The following RCBTB1 variants were observed in gnomAD, a reference collection of about 807,000 sequenced individuals.
RCBTB1 encodes the protein RCC1 and BTB domain containing protein 1.
A neutral mutation model predicts 62.4 loss-of-function variants in RCBTB1; 46 were observed. The observed-to-expected ratio is 0.74, with a 90% CI of 0.58 to 0.94. The LOEUF (loss-of-function observed/expected upper bound fraction) is 0.94. Among genes scored for constraint, RCBTB1 ranks in the 40% least tolerant of loss-of-function variants. The probability of loss-of-function intolerance (pLI) is 0.00; values close to 1 mark genes in which losing one functional copy is unlikely to be tolerated. For missense variants in RCBTB1, 565 were observed against 654.9 expected (o/e 0.86, Z 1.50); for synonymous variants, 222 against 245.8 (o/e 0.90, Z 0.91).
At chr13:49,538,887 A>ACT (rs199724988) in intron 12 of RCBTB1, among the ~76,000 whole-genome samples, 9,285 of 93,912 alleles carry the variant, frequency 0.099, 448 homozygotes, top group Non-Finnish European at 0.16. Flanking sequence ...GTTTTTTTTA[A>ACT]CTTTTTTTTT....
intron 2 of RCBTB1, among the ~76,000 whole-genome samples, chr13:49,571,608 G>C (rs1220484205): frequency 2.0e-5 from 3 of 152,170 alleles, no homozygotes; most frequent in Admixed American, 1.3e-4. Context: ...CTGAGAACAT[G>C]AACTGGCATC....
chr13:49,570,477 G>A (rs11148151), intron 2 of RCBTB1, among the ~76,000 whole-genome samples: 34,076 of 152,138 alleles, frequency 0.22, 4,710 homozygotes, highest in East Asian at 0.55. Context: ...GGCTTGGTAG[G>A]GTGGTAACAA....
chr13:49,544,213 T>C (rs550348095), intron 10 of RCBTB1, among the ~76,000 whole-genome samples: 111 of 152,342 alleles, frequency 7.3e-4, no homozygotes, highest in African/African-American at 2.6e-3. Context: ...CTCACATCTG[T>C]AATGCCAGCA....
At chr13:49,560,756 T>A (rs1962371178) in intron 4 of RCBTB1, among the ~76,000 whole-genome samples, 1 of 152,194 alleles carries the variant, frequency 6.6e-6, no homozygotes. Context: ...TGGAGATGAC[T>A]TGAGAGTTGA....
Position 49,564,618 on chromosome 13 carries a change from G to A in RCBTB1, c.277+2000C>T, listed in dbSNP as rs555114210. On this transcript the variant is annotated intron_variant, in intron 4 of 12. Transcript: ENST00000378302. ...AAAAAAAAAAAAAAAAATGCCGGGC[G>A]CGGTGGCTCACGCCTGTAATCCCAG... Among the ~76,000 whole-genome samples, 684 of 123,680 alleles carry A rather than the reference G, an allele frequency of 5.5e-3. 3 individuals carry two copies. The highest frequency in any genetic ancestry group is 8.2e-3 in the Non-Finnish European group (514 of 62,776). 81.1% of individuals were successfully genotyped at this position (123,680 alleles called of 152,430 possible). A position where few individuals can be genotyped will look rare whatever the true frequency, so the allele number is the denominator to read the frequency against.
At chr13:49,544,948 G>GGTCA in intron 9 of RCBTB1, 85 bp from the exon 10 acceptor site, 1 of 995,072 alleles carries the variant, frequency 1.0e-6, no homozygotes, top group Non-Finnish European at 1.4e-6. Flanking sequence ...CATCATGACC[G>GGTCA]TGATGGATAA....
At chr13:49,576,700 A>C (rs563011506) in intron 2 of RCBTB1, among the ~76,000 whole-genome samples, 85 of 152,336 alleles carry the variant, frequency 5.6e-4, no homozygotes, top group African/African-American at 2.0e-3. Flanking sequence ...TTAAATAGTT[A>C]CTTCTGAAGT....
At chr13:49,541,967 G>A (rs1960399712) in intron 10 of RCBTB1, 140 bp from the exon 11 acceptor site, 1 of 928,966 alleles carries the variant, frequency 1.1e-6, no homozygotes, top group South Asian at 1.8e-5. Context: ...TGTAATCCCA[G>A]CACTTTGGGA....
intron 4 of RCBTB1, among the ~76,000 whole-genome samples, chr13:49,564,621 G>A (rs1373845186): frequency 1.4e-5 from 2 of 142,562 alleles, no homozygotes; most frequent in Non-Finnish European, 3.0e-5. Context: ...GCCGGGCGCG[G>A]TGGCTCACGC....
chr13:49,552,878 G>A (rs1003829925), intron 6 of RCBTB1, among the ~76,000 whole-genome samples: 1 of 152,076 alleles, frequency 6.6e-6, no homozygotes, highest in African/African-American at 2.4e-5. Flanking sequence ...AACTGCGGTA[G>A]TGGTAGTAGA....
intron 12 of RCBTB1, 47 bp downstream of exon 12, chr13:49,540,829 C>T (rs1960290112): frequency 6.3e-7 from 1 of 1,590,354 alleles, no homozygotes; most frequent in Admixed American, 1.8e-5. Context: ...GAGACGAGCA[C>T]AAAGGGAGTT....
chr13:49,544,182 AAT>A (rs759900534), intron 10 of RCBTB1, among the ~76,000 whole-genome samples: 9 of 152,210 alleles, frequency 5.9e-5, no homozygotes, highest in Non-Finnish European at 1.2e-4. Context: ...TTTAAAAAAC[AAT>A]ATAAGCTGGG....
intron 9 of RCBTB1, among the ~76,000 whole-genome samples, 165 bp from the exon 10 acceptor site, chr13:49,545,028 A>G (rs145647493): frequency 6.6e-6 from 1 of 152,194 alleles, no homozygotes; most frequent in East Asian, 1.9e-4. Flanking sequence ...TAAAGTAAGT[A>G]TCCTGCATCT....
At chr13:49,567,001 C>T (rs1179428176) in intron 3 of RCBTB1, among the ~76,000 whole-genome samples, 153 bp downstream of exon 3, 1 of 152,094 alleles carries the variant, frequency 6.6e-6, no homozygotes, top group East Asian at 1.9e-4. Context: ...AATCAAGAAA[C>T]TGAAAAAAGA....
rs777401686 is a variant in RCBTB1 at position 49,532,004 on chromosome 13, C to T, written c.*2118G>A. On this transcript the variant is annotated 3_prime_UTR_variant, in exon 13 of 13. Coordinates refer to ENST00000378302, the MANE Select transcript of RCBTB1 (RefSeq NM_018191.4). ...CGTTCTAAATATTACATAAATACAG[C>T]TTACATACTAGAGTATCAAACATTG... The T allele has an allele frequency of 6.6e-5, 10 of 152,560 alleles. No individual in the cohort carries two copies. Among genetic ancestry groups the T allele is most frequent in the African/African-American group, 9.7e-5 (4 of 41,424 alleles). The allele number at this position is 152,560 out of a possible 1,614,324, so 9.5% of individuals were successfully genotyped here. A position where few individuals can be genotyped will look rare whatever the true frequency, so the allele number is the denominator to read the frequency against.
intron 2 of RCBTB1, among the ~76,000 whole-genome samples, chr13:49,571,879 A>T (rs1963421831): frequency 6.6e-6 from 1 of 152,204 alleles, no homozygotes; most frequent in Non-Finnish European, 1.5e-5. Flanking sequence ...AAACCACATT[A>T]AGGATCATAA....
intron 4 of RCBTB1, among the ~76,000 whole-genome samples, chr13:49,560,433 C>G (rs903863673): frequency 4.6e-5 from 7 of 152,134 alleles, no homozygotes; most frequent in Non-Finnish European, 5.9e-5. Flanking sequence ...TAAGAAAGCT[C>G]GATGTTAATG....
At chr13:49,557,184 A>T (rs1961992391) in intron 5 of RCBTB1, among the ~76,000 whole-genome samples, 1 of 152,212 alleles carries the variant, frequency 6.6e-6, no homozygotes, top group Non-Finnish European at 1.5e-5. Context: ...GAACAGTATG[A>T]TCTAATCTGT....
intron 1 of RCBTB1, among the ~76,000 whole-genome samples, chr13:49,582,580 G>A (rs919389818): frequency 1.3e-5 from 2 of 152,218 alleles, no homozygotes; most frequent in Admixed American, 6.5e-5. Flanking sequence ...AGGAAAGGGT[G>A]AATGTGAATG....
Sources: allele counts gnomAD v4.1 joint callset (sites outside exome capture counted in the v4.1 genomes callset), GRCh38; gene constraint gnomAD v4.1.1; transcripts MANE v1.5; gene names NCBI Gene and HGNC (gene_info 2026-07-23, HGNC 2026-07-21).